The following STOML3 variants were observed in gnomAD, a reference collection of about 807,000 sequenced individuals.
STOML3 encodes stomatin-like protein 3.
Under a neutral mutation model 29.5 loss-of-function variants are expected in STOML3, and 31 were observed. That is an observed-to-expected ratio of 1.05 (90% CI 0.79 to 1.42). The LOEUF (loss-of-function observed/expected upper bound fraction) is 1.42. Ranked by LOEUF, STOML3 falls within the 40% of genes most tolerant of loss-of-function variation. The pLI is 0.00. For synonymous variants in STOML3, 122 were observed against 139.8 expected (o/e 0.87, Z 0.90); for missense variants, 380 against 363.0 (o/e 1.05, Z -0.38).
rs745641381 is a variant in STOML3, at chr13:38,976,519, C to A, written c.229+21G>T. On this transcript the variant is annotated intron_variant, in intron 3 of 6. Coordinates refer to ENST00000379631, the MANE Select transcript of STOML3 (RefSeq NM_145286.3). ...TTAGGTGTCCCTGATCTTTCAGGGG[C>A]AGCCACCGCGTCATTCATACCTGGC... 3 of 1,613,666 alleles carry A rather than the reference C, an allele frequency of 1.9e-6. No homozygotes were observed. In the East Asian group the frequency reaches 6.7e-5, roughly 36 times the overall value.
intron 1 of STOML3, among the ~76,000 whole-genome samples, chr13:38,983,229 C>G (rs974481646): frequency 2.6e-5 from 4 of 152,174 alleles, no homozygotes; most frequent in Non-Finnish European, 5.9e-5. Flanking sequence ...TGACCTCCCC[C>G]TCAGGGATTC....
chr13:38,972,131 C>A (rs1252498618), intron 4 of STOML3, among the ~76,000 whole-genome samples: 1 of 152,158 alleles, frequency 6.6e-6, no homozygotes, highest in Non-Finnish European at 1.5e-5. Context: ...TCAAAACCAG[C>A]CACTGCCTTC....
At position 38,988,933 on chromosome 13, in the gene STOML3, T is replaced by C. The variant is rs192679366; in HGVS notation, c.52+1737A>G. 1.6e-4 allele frequency among the ~76,000 whole-genome samples: 23 copies of C among 144,940 alleles called. No individual in the cohort carries two copies. The South Asian group carries it at 3.2e-3, about 20-fold the overall frequency. On this transcript the variant is annotated intron_variant, in intron 1 of 6. Transcript: ENST00000379631. ...AATACATAATATATATACTATATTATACAATATATTATATATACTATATTA... is the reference window on the plus strand; with the variant it reads ...AATACATAATATATATACTATATTACACAATATATTATATATACTATATTA...
chr13:38,970,080 G>T, intron 5 of STOML3, 105 bp downstream of exon 5: 1 of 1,008,168 alleles, frequency 9.9e-7, no homozygotes, highest in Non-Finnish European at 1.5e-6. Context: ...GTGTGTGCAA[G>T]CATGCATGTG....
intron 6 of STOML3, among the ~76,000 whole-genome samples, chr13:38,967,263 G>T (rs961124023): frequency 5.9e-5 from 9 of 152,024 alleles, no homozygotes; most frequent in African/African-American, 2.2e-4. Context: ...TGTACAAATC[G>T]TAGGTCCCTA....
Position 38,966,912 on chromosome 13 carries a change from C to G in STOML3, c.789G>C (p.Thr263=). 1 of 1,614,018 alleles carries G rather than the reference C, an allele frequency of 6.2e-7. No individual in the cohort carries two copies. The highest frequency in any genetic ancestry group is 1.1e-5 in the South Asian group (1 of 91,058). The change falls in exon 7 of 7, where the codon ACG becomes ACC. Residue 263 remains threonine (T), a synonymous_variant. Transcript: ENST00000379631. ...TATTCATGGGCAGAGGAAACACAAT[C>G]GTAGAATTCTTCTCGGTGGCTACCG... is the stretch of plus-strand genomic sequence containing the variant. The part of the protein sequence containing the change: ...LSTVATEKNS[T]IVFPLPMNIL...
chr13:38,990,093 T>A (rs1295202178), intron 1 of STOML3, among the ~76,000 whole-genome samples: 1 of 152,188 alleles, frequency 6.6e-6, no homozygotes, highest in African/African-American at 2.4e-5. Flanking sequence ...TTGTAACACA[T>A]AATAGTCATT....
intron 3 of STOML3, among the ~76,000 whole-genome samples, chr13:38,972,908 C>A (rs928641652): frequency 2.0e-5 from 3 of 151,750 alleles, no homozygotes; most frequent in Admixed American, 2.0e-4. Flanking sequence ...AATATTCTGA[C>A]CAATTGTGAA....
At position 38,966,912 on chromosome 13, in the gene STOML3, C is replaced by T. The variant is rs762755375; in HGVS notation, c.789G>A (p.Thr263=). 2.4e-5 allele frequency: 38 copies of T among 1,613,900 alleles called. No homozygotes were observed. The highest frequency in any genetic ancestry group is 1.6e-4 in the Middle Eastern group (1 of 6,076). The change falls in exon 7 of 7, where the codon ACG becomes ACA. Residue 263 remains threonine (T), a synonymous_variant. Coordinates refer to ENST00000379631, the MANE Select transcript of STOML3 (RefSeq NM_145286.3). ...TATTCATGGGCAGAGGAAACACAATCGTAGAATTCTTCTCGGTGGCTACCG... is the reference window on the plus strand; with the variant it reads ...TATTCATGGGCAGAGGAAACACAATTGTAGAATTCTTCTCGGTGGCTACCG... The part of the protein sequence containing the change: ...LSTVATEKNS[T]IVFPLPMNIL...
At position 38,966,735 on chromosome 13, in the gene STOML3, G is replaced by T; in HGVS notation, c.*90C>A. 9.5e-7 allele frequency: 1 copy of T among 1,055,364 alleles called. No individual in the cohort carries two copies. Among genetic ancestry groups the T allele is most frequent in the Non-Finnish European group, 1.4e-6 (1 of 694,748 alleles). The allele number at this position is 1,055,364 out of a possible 1,614,324, so 65.4% of individuals were successfully genotyped here. A position where few individuals can be genotyped will look rare whatever the true frequency, so the allele number is the denominator to read the frequency against. ...CTATGGAGTTACTGTTACATGAACA[G>T]TGTTGGAATTCTCACCGTTTCTAAC... On this transcript the variant is annotated 3_prime_UTR_variant, in exon 7 of 7. Transcript: ENST00000379631.
At chr13:38,984,341 G>C (rs1476533834) in intron 1 of STOML3, among the ~76,000 whole-genome samples, 1 of 152,010 alleles carries the variant, frequency 6.6e-6, no homozygotes. Context: ...TCCTCAGCAG[G>C]CCTCAGCTCA....
rs111993514 is a variant in STOML3, at chr13:38,966,752, G to A, written c.*73C>T. On this transcript the variant is annotated 3_prime_UTR_variant, in exon 7 of 7. Transcript: ENST00000379631. Reference sequence around the variant, plus strand: ...CATGAACAGTGTTGGAATTCTCACCGTTTCTAACTACTGGCTTCTCCATAG... The same window carrying A: ...CATGAACAGTGTTGGAATTCTCACCATTTCTAACTACTGGCTTCTCCATAG... The A allele has an allele frequency of 7.6e-4, 965 of 1,270,550 alleles. 8 individuals carry two copies. The African/African-American group carries it at 0.013, about 17-fold the overall frequency. 78.7% of individuals were successfully genotyped at this position (1,270,550 alleles called of 1,614,324 possible). A position where few individuals can be genotyped will look rare whatever the true frequency, so the allele number is the denominator to read the frequency against.
In STOML3 at chr13:38,984,471, T is replaced by C. The variant is rs1473566341; in HGVS notation, c.52+6199A>G. 3.9e-5 allele frequency among the ~76,000 whole-genome samples: 6 copies of C among 152,332 alleles called. 1 individual carries two copies. In the East Asian group the frequency reaches 1.2e-3, roughly 29 times the overall value. On this transcript the variant is annotated intron_variant, in intron 1 of 6. Transcript: ENST00000379631. ...TGATGTTTCAGTCAATGATGGACCA[T>C]ATATACGATGGTGGTCCCATAAGAT... is the stretch of plus-strand genomic sequence containing the variant.
intron 1 of STOML3, chr13:38,980,244 T>G: frequency 9.9e-7 from 1 of 1,009,090 alleles, no homozygotes. Context: ...CCTGGGGGTC[T>G]CATTAGCTGC....
Position 38,968,434 on chromosome 13 carries a change from G to C in STOML3, c.617C>G (p.Ala206Gly), listed in dbSNP as rs1327142632. The change falls in exon 6 of 7, where the codon GCC becomes GGC. Residue 206 changes from alanine to glycine, a missense_variant. Physicochemically the swap from Ala to Gly is moderately conservative, Grantham distance 60. Coordinates refer to ENST00000379631, the MANE Select transcript of STOML3 (RefSeq NM_145286.3). ...IPVQLQRSMA[A>G]EAEATREARA... ...CGCTTCCCGGGTGGCCTCAGCCTCG[G>C]CTGCCATGGATCTCTGCAACTGCAC... 6.2e-7 allele frequency: 1 copy of C among 1,614,072 alleles called. No individual in the cohort carries two copies. Among genetic ancestry groups the C allele is most frequent in the Admixed American group, 1.7e-5 (1 of 60,010 alleles).
At chr13:38,972,182 G>T (rs1312544200) in intron 4 of STOML3, among the ~76,000 whole-genome samples, 1 of 152,122 alleles carries the variant, frequency 6.6e-6, no homozygotes, top group Non-Finnish European at 1.5e-5. Flanking sequence ...CCTTCATACA[G>T]TGACTGTCTG....
At position 38,976,579 on chromosome 13, in the gene STOML3, G is replaced by A. The variant is rs749195994; in HGVS notation, c.190C>T (p.Arg64Cys). 3.0e-5 allele frequency: 48 copies of A among 1,614,028 alleles called. No individual in the cohort carries two copies. Among genetic ancestry groups the A allele is most frequent in the Admixed American group, 3.3e-5 (2 of 59,996 alleles). Residue 64 changes from arginine to cysteine, a missense_variant, in exon 3 of 7, where the codon CGT becomes TGT. Coordinates refer to ENST00000379631, the MANE Select transcript of STOML3 (RefSeq NM_145286.3). Reference sequence around the variant, plus strand: ...TTGTCAGCTTGGATGCGTCCCAGACGGAATACAACAGCACGTTCATACTCC... The same window carrying A: ...TTGTCAGCTTGGATGCGTCCCAGACAGAATACAACAGCACGTTCATACTCC... ...IKEYERAVVF[R>C]LGRIQADKAK...
intron 1 of STOML3, among the ~76,000 whole-genome samples, chr13:38,983,222 C>A (rs1297662431): frequency 6.6e-6 from 1 of 152,146 alleles, no homozygotes; most frequent in African/African-American, 2.4e-5. Context: ...TGGCTTATGA[C>A]CTCCCCCTCA....
chr13:38,984,317 T>G (rs1170665743), intron 1 of STOML3, among the ~76,000 whole-genome samples: 1 of 152,168 alleles, frequency 6.6e-6, no homozygotes, highest in African/African-American at 2.4e-5. Flanking sequence ...AGCCCCCTTC[T>G]GCATCCCACA....
Sources: gnomAD v4.1 joint callset for allele counts (sites outside exome capture counted in the v4.1 genomes callset) on GRCh38, gnomAD v4.1.1 for gene constraint, MANE v1.5 for transcripts, NCBI Gene and HGNC (gene_info 2026-07-23, HGNC 2026-07-21) for gene names.